RORA: variants seen among roughly 807,000 people sequenced by gnomAD.
The protein encoded by RORA is nuclear receptor ROR-alpha.
Under a neutral mutation model 69.5 loss-of-function variants are expected in RORA, and 7 were observed. The ratio of observed to expected loss-of-function variants is 0.10; its 90% confidence interval spans 0.06 to 0.19. The LOEUF (loss-of-function observed/expected upper bound fraction) is 0.19, where lower values mean the gene tolerates loss of function less well. Ranked by LOEUF, RORA falls within the 10% of genes least tolerant of loss-of-function variation. The pLI is 1.00. For missense variants in RORA, 457 were observed against 663.0 expected, an observed-to-expected ratio of 0.69 and a Z score of 3.41; for synonymous variants, 261 against 240.8, an observed-to-expected ratio of 1.08 and a Z score of -0.78.
chr15:60,922,608 G>T (rs973024545), intron 1 of RORA, among the ~76,000 whole-genome samples: 1 of 152,164 alleles, frequency 6.6e-6, no homozygotes, highest in Admixed American at 6.5e-5. Flanking sequence ...ATCCAAACAA[G>T]GTATACTTAG....
chr15:60,961,911 T>A (rs966212809), intron 1 of RORA, among the ~76,000 whole-genome samples: 17 of 152,298 alleles, frequency 1.1e-4, no homozygotes, highest in Admixed American at 8.5e-4. Flanking sequence ...TTTAGACATA[T>A]AAACACGGAA....
intron 4 of RORA, chr15:60,512,149 G>A (rs1424108524): frequency 2.6e-5 from 4 of 153,656 alleles, no homozygotes; most frequent in African/African-American, 9.7e-5. Flanking sequence ...TGTGAGGTCT[G>A]AATGAACTGG....
At chr15:61,169,183 C>T (rs1247601280) in intron 1 of RORA, among the ~76,000 whole-genome samples, 3 of 152,048 alleles carry the variant, frequency 2.0e-5, no homozygotes, top group East Asian at 1.9e-4. Flanking sequence ...CGCCAGGCAT[C>T]TGTGGAACTG....
intron 1 of RORA, among the ~76,000 whole-genome samples, chr15:60,851,180 C>A (rs146433566): frequency 3.9e-5 from 6 of 152,280 alleles, no homozygotes; most frequent in East Asian, 1.9e-4. Context: ...ATAGAAAAAC[C>A]CTCCATAATC....
Position 60,567,958 on chromosome 15 carries a change from C to T in RORA, c.197-36107G>A, listed in dbSNP as rs557897128. ...TGATGAACAGAAGGTAGAAAGCATG[C>T]TCTGTGGCAGGGTTTCTCAGCCTTG... On this transcript the variant is annotated intron_variant, in intron 2 of 10. Coordinates refer to ENST00000335670, the MANE Select transcript of RORA (RefSeq NM_134261.3). Among the ~76,000 whole-genome samples, 6 of 152,248 alleles carry T rather than the reference C, an allele frequency of 3.9e-5. 1 individual carries two copies. The highest frequency in any genetic ancestry group is 1.4e-4 in the African/African-American group (6 of 41,540).
intron 1 of RORA, among the ~76,000 whole-genome samples, chr15:61,133,407 G>C (rs2140848091): frequency 6.6e-6 from 1 of 152,200 alleles, no homozygotes; most frequent in East Asian, 1.9e-4. Flanking sequence ...CTTTCCGCAA[G>C]GTTACATAAC....
chr15:60,934,726 T>C (rs1224128640), intron 1 of RORA, among the ~76,000 whole-genome samples: 2 of 152,220 alleles, frequency 1.3e-5, no homozygotes, highest in Non-Finnish European at 2.9e-5. Context: ...AACCACTGTA[T>C]TGGCTACTCC....
At chr15:60,907,711 T>G (rs1227238251) in intron 1 of RORA, among the ~76,000 whole-genome samples, 1 of 152,272 alleles carries the variant, frequency 6.6e-6, no homozygotes, top group Admixed American at 6.5e-5. Flanking sequence ...ATTTAGCGTT[T>G]TTTTTCTCAG....
intron 1 of RORA, among the ~76,000 whole-genome samples, chr15:60,929,965 G>C (rs968743759): frequency 2.0e-5 from 3 of 152,106 alleles, no homozygotes; most frequent in Non-Finnish European, 2.9e-5. Context: ...AGAGTCTCTG[G>C]TGCATGCCTC....
At chr15:60,826,526 A>C (rs955082485) in intron 1 of RORA, among the ~76,000 whole-genome samples, 3 of 152,166 alleles carry the variant, frequency 2.0e-5, no homozygotes, top group Non-Finnish European at 4.4e-5. Context: ...CACCAGTTCT[A>C]GGCGCTACAC....
intron 1 of RORA, among the ~76,000 whole-genome samples, chr15:60,997,372 C>T (rs569898999): frequency 1.3e-5 from 2 of 152,242 alleles, no homozygotes; most frequent in African/African-American, 4.8e-5. Flanking sequence ...ACAGCTGTCT[C>T]GTGCCAAACA....
chr15:60,808,183 A>C (rs1034947867), intron 1 of RORA, among the ~76,000 whole-genome samples: 1 of 152,210 alleles, frequency 6.6e-6, no homozygotes, highest in African/African-American at 2.4e-5. Flanking sequence ...ACTTCTGACA[A>C]AGGACTAATA....
chr15:60,822,438 T>G (rs1215710860), intron 1 of RORA, among the ~76,000 whole-genome samples: 3 of 152,178 alleles, frequency 2.0e-5, no homozygotes, highest in Non-Finnish European at 4.4e-5. Context: ...CAACCGTCCA[T>G]GATTTAACCT....
intron 1 of RORA, among the ~76,000 whole-genome samples, chr15:61,132,635 A>G (rs2079201429): frequency 6.6e-6 from 1 of 152,232 alleles, no homozygotes; most frequent in Non-Finnish European, 1.5e-5. Flanking sequence ...GTTCTTTAGC[A>G]ATTATAAACA....
At chr15:61,119,091 G>T (rs111837226) in intron 1 of RORA, among the ~76,000 whole-genome samples, 2 of 148,504 alleles carry the variant, frequency 1.3e-5, no homozygotes, top group South Asian at 2.2e-4. Flanking sequence ...AGGGGGGGGG[G>T]GGCGCCATGG....
At chr15:61,057,837 T>C (rs2078116617) in intron 1 of RORA, among the ~76,000 whole-genome samples, 1 of 152,190 alleles carries the variant, frequency 6.6e-6, no homozygotes, top group Non-Finnish European at 1.5e-5. Flanking sequence ...CTAGGACTTC[T>C]AAAATCTCTC....
At chr15:60,955,046 G>A (rs1566923878) in intron 1 of RORA, among the ~76,000 whole-genome samples, 1 of 152,220 alleles carries the variant, frequency 6.6e-6, no homozygotes, top group Admixed American at 6.5e-5. Context: ...ACTCATGCCT[G>A]TAATCCCAGC....
chr15:60,783,168 A>G (rs1426942806), intron 1 of RORA, among the ~76,000 whole-genome samples: 2 of 152,182 alleles, frequency 1.3e-5, no homozygotes, highest in African/African-American at 4.8e-5. Flanking sequence ...CAAACTGCAA[A>G]TACAAAGGGG....
intron 1 of RORA, among the ~76,000 whole-genome samples, chr15:61,141,756 T>C (rs1046856217): frequency 2.0e-5 from 3 of 152,180 alleles, no homozygotes; most frequent in African/African-American, 7.2e-5. Context: ...GGCAGGCCCC[T>C]ACCTACTGCT....
Sources: allele counts gnomAD v4.1 joint callset (sites outside exome capture counted in the v4.1 genomes callset), GRCh38; gene constraint gnomAD v4.1.1; transcripts MANE v1.5; gene names NCBI Gene and HGNC (gene_info 2026-07-23, HGNC 2026-07-21).